Variants in ZFR observed in about 807,000 individuals in gnomAD.
ZFR encodes the protein zinc finger RNA-binding protein.
ZFR carries 19 observed loss-of-function variants against 130.7 expected under a neutral mutation model. The observed-to-expected ratio is 0.15, with a 90% CI of 0.10 to 0.21. The LOEUF (loss-of-function observed/expected upper bound fraction) is 0.21. Among genes scored for constraint, ZFR ranks in the 10% least tolerant of loss-of-function variants. The probability of loss-of-function intolerance (pLI) is 1.00; values close to 1 mark genes in which losing one functional copy is unlikely to be tolerated. For missense variants in ZFR, 872 were observed against 1,321.5 expected, an observed-to-expected ratio of 0.66 and a Z score of 5.27; for synonymous variants, 466 against 456.9, an observed-to-expected ratio of 1.02 and a Z score of -0.25.
At chr5:32,376,744 TG>T (rs1225228368) in intron 17 of ZFR, among the ~76,000 whole-genome samples, 1 of 152,202 alleles carries the variant, frequency 6.6e-6, no homozygotes, top group African/African-American at 2.4e-5. Context: ...CCCAGCAGTT[TG>T]GGAGGCCAAG....
chr5:32,407,290 T>A lies in ZFR; in HGVS notation c.785-269A>T, dbSNP rs1045462455. ...GCCTTGAAGAACCTTATAGTTTAAT[T>A]GGAGAGATGTGATAGTGTGTTTGAC... On this transcript the variant is annotated intron_variant, in intron 5 of 19. Transcript: ENST00000265069. 2.6e-5 allele frequency among the ~76,000 whole-genome samples: 4 copies of A among 151,826 alleles called. No individual in the cohort carries two copies. The East Asian group carries it at 7.7e-4, about 29-fold the overall frequency.
intron 6 of ZFR, among the ~76,000 whole-genome samples, chr5:32,404,341 G>A (rs1426155168): frequency 1.3e-5 from 2 of 152,104 alleles, no homozygotes; most frequent in Non-Finnish European, 2.9e-5. Context: ...CATAATATAA[G>A]GCAATGGCTT....
rs112323433 is a variant in ZFR, at chr5:32,381,898, A to G, written c.2642-1726T>C. Among the ~76,000 whole-genome samples, 701 of 152,354 alleles carry G rather than the reference A, an allele frequency of 4.6e-3. 4 individuals are homozygous for G. Among genetic ancestry groups the G allele is most frequent in the African/African-American group, 0.016 (680 of 41,592 alleles). ...AAAAATATTAGTTCTCTCAAAACTT[A>G]TAAGACCAACTATTGAACCTAGAAA... On this transcript the variant is annotated intron_variant, in intron 15 of 19. Coordinates refer to ENST00000265069, the MANE Select transcript of ZFR (RefSeq NM_016107.5).
At chr5:32,418,815 A>G (rs1289654428) in intron 3 of ZFR, among the ~76,000 whole-genome samples, 1 of 152,226 alleles carries the variant, frequency 6.6e-6, no homozygotes, top group Non-Finnish European at 1.5e-5. Flanking sequence ...AGTTTAAAAA[A>G]CAGATCCTAA....
chr5:32,420,231 A>C, intron 2 of ZFR, 128 bp from the exon 3 acceptor site: 1 of 1,086,364 alleles, frequency 9.2e-7, no homozygotes, highest in Non-Finnish European at 1.2e-6. Flanking sequence ...GGACCACAAA[A>C]GGTCAAGTAC....
chr5:32,438,288 A>T (rs1202781689), intron 2 of ZFR, among the ~76,000 whole-genome samples: 12 of 66,578 alleles, frequency 1.8e-4, no homozygotes, highest in African/African-American at 2.8e-4. Context: ...TTTGAGACGG[A>T]GTTTCACTCT....
At position 32,403,105 on chromosome 5, in the gene ZFR, C is replaced by A; in HGVS notation, c.1516+1G>T. The A allele has an allele frequency of 6.2e-7, 1 of 1,613,186 alleles. No individual in the cohort carries two copies. Among genetic ancestry groups the A allele is most frequent in the Non-Finnish European group, 8.5e-7 (1 of 1,179,550 alleles). On this transcript the variant is annotated splice_donor_variant, in intron 8 of 19. Coordinates refer to ENST00000265069, the MANE Select transcript of ZFR (RefSeq NM_016107.5). LOFTEE classifies it high-confidence loss of function. ...CAGGGACAGAGAATATCAGTACTTG[C>A]CAACAAAATTTATTTTGGGGGTAGA...
At chr5:32,362,048 C>T (rs943331087) in intron 19 of ZFR, among the ~76,000 whole-genome samples, 47 of 152,236 alleles carry the variant, frequency 3.1e-4, no homozygotes, top group African/African-American at 1.1e-3. Context: ...CTTCTAAGGT[C>T]TGACAAGAAG....
chr5:32,386,213 T>C (rs112453189), intron 14 of ZFR, among the ~76,000 whole-genome samples: 3 of 152,260 alleles, frequency 2.0e-5, no homozygotes, highest in African/African-American at 7.2e-5. Flanking sequence ...CTAGCTCTGA[T>C]ACTTTACAGT....
intron 17 of ZFR, among the ~76,000 whole-genome samples, chr5:32,365,656 T>G (rs935452897): frequency 6.7e-6 from 1 of 149,800 alleles, no homozygotes; most frequent in African/African-American, 2.4e-5. Flanking sequence ...GCTCTTGGGC[T>G]CAAGTGATCC....
chr5:32,401,667 G>C (rs1287352456), intron 8 of ZFR, among the ~76,000 whole-genome samples: 1 of 152,140 alleles, frequency 6.6e-6, no homozygotes, highest in Non-Finnish European at 1.5e-5. Context: ...GACAAATGAG[G>C]ACTACAGATT....
intron 2 of ZFR, among the ~76,000 whole-genome samples, chr5:32,433,311 G>C (rs1269815136): frequency 6.6e-6 from 1 of 152,012 alleles, no homozygotes; most frequent in African/African-American, 2.4e-5. Flanking sequence ...CTATAAATAA[G>C]AATTACAGTA....
At chr5:32,428,132 C>T (rs1353876271) in intron 2 of ZFR, among the ~76,000 whole-genome samples, 1 of 152,134 alleles carries the variant, frequency 6.6e-6, no homozygotes, top group Non-Finnish European at 1.5e-5. Flanking sequence ...AAATTAAAAA[C>T]CTCTGTGTGG....
At chr5:32,356,468 AGTG>A (rs1460560172) in intron 19 of ZFR, among the ~76,000 whole-genome samples, 4 of 152,278 alleles carry the variant, frequency 2.6e-5, no homozygotes, top group African/African-American at 7.2e-5. Flanking sequence ...GCTGGAGTGC[AGTG>A]GTGCGAGCTT....
intron 6 of ZFR, among the ~76,000 whole-genome samples, chr5:32,406,276 A>G (rs1753578696): frequency 6.6e-6 from 1 of 152,226 alleles, no homozygotes; most frequent in African/African-American, 2.4e-5. Context: ...TTGTTCCCGA[A>G]GTTCCTACTC....
chr5:32,400,733 A>G (rs1753430934), intron 8 of ZFR, among the ~76,000 whole-genome samples: 1 of 152,282 alleles, frequency 6.6e-6, no homozygotes, highest in Admixed American at 6.5e-5. Flanking sequence ...GCATGCCTGC[A>G]GTCCTAGCTA....
At chr5:32,405,714 C>T (rs950861329) in intron 6 of ZFR, among the ~76,000 whole-genome samples, 1 of 152,208 alleles carries the variant, frequency 6.6e-6, no homozygotes, top group Non-Finnish European at 1.5e-5. Context: ...CTCCAGGTCC[C>T]TGCAAACATT....
chr5:32,435,808 A>C (rs1433473953), intron 2 of ZFR, among the ~76,000 whole-genome samples: 3 of 152,226 alleles, frequency 2.0e-5, no homozygotes, highest in Non-Finnish European at 4.4e-5. Context: ...TTTCAACCAC[A>C]GTGCTTCCCA....
rs930422789 is a variant in ZFR at position 32,355,557 on chromosome 5, C to T, written c.*203G>A. 7.6e-6 allele frequency: 3 copies of T among 397,254 alleles called. No homozygotes were observed. Among genetic ancestry groups the T allele is most frequent in the African/African-American group, 4.2e-5 (2 of 47,974 alleles). The allele number at this position is 397,254 out of a possible 1,614,324, so 24.6% of individuals were successfully genotyped here. On this transcript the variant is annotated 3_prime_UTR_variant, in exon 20 of 20. Transcript: ENST00000265069. The stretch of plus-strand genomic sequence containing the variant: ...TCGGAACTACTGTTTTCCCCCTAGT[C>T]GGAGCACATTTTTTTTTTTGGGTGT...
Sources: allele counts gnomAD v4.1 joint callset (sites outside exome capture counted in the v4.1 genomes callset), GRCh38; gene constraint gnomAD v4.1.1; transcripts MANE v1.5; gene names NCBI Gene and HGNC (gene_info 2026-07-23, HGNC 2026-07-21).